ADGRD1: variants seen among roughly 807,000 people sequenced by gnomAD.
ADGRD1 encodes the protein adhesion G protein-coupled receptor D1.
Under a neutral mutation model 113.4 loss-of-function variants are expected in ADGRD1, and 77 were observed. The observed-to-expected ratio is 0.68, with a 90% CI of 0.57 to 0.82. The LOEUF is 0.82. Ranked by LOEUF, ADGRD1 falls within the 40% of genes least tolerant of loss-of-function variation. ADGRD1 has a pLI of 0.00. For synonymous variants in ADGRD1, 474 were observed against 475.0 expected, an observed-to-expected ratio of 1.00 and a Z score of 0.03; for missense variants, 1,036 against 1,139.1, an observed-to-expected ratio of 0.91 and a Z score of 1.30.
chr12:131,031,822 G>A (rs374609151), intron 13 of ADGRD1, among the ~76,000 whole-genome samples: 5 of 152,136 alleles, frequency 3.3e-5, no homozygotes, highest in East Asian at 1.9e-4. Flanking sequence ...CAAACATCCG[G>A]GTCACTTCTG....
intron 2 of ADGRD1, among the ~76,000 whole-genome samples, chr12:130,960,919 G>A (rs1274313768): frequency 6.6e-6 from 1 of 152,242 alleles, no homozygotes; most frequent in Non-Finnish European, 1.5e-5. Flanking sequence ...ATCAGGATGA[G>A]CTACACAAAA....
In ADGRD1 at chr12:130,966,965, T is replaced by C. The variant is rs773337275; in HGVS notation, c.187+419T>C. 11 of 451,028 alleles carry C rather than the reference T, an allele frequency of 2.4e-5. No individual in the cohort carries two copies. The highest frequency in any genetic ancestry group is 4.0e-5 in the Non-Finnish European group (9 of 222,318). 27.9% of individuals were successfully genotyped at this position (451,028 alleles called of 1,614,324 possible). Reference sequence around the variant, plus strand: ...TTTTATAGAGAGAGCTATTGCGTATTGAATGGGAGAATTTCTGATTCAAAA... The same window carrying C: ...TTTTATAGAGAGAGCTATTGCGTATCGAATGGGAGAATTTCTGATTCAAAA... On this transcript the variant is annotated intron_variant, in intron 3 of 24. Transcript: ENST00000261654. This position sits in a 1 kb window ranked among gnomAD's most constrained non-coding sequence, Gnocchi z 4.6.
chr12:131,093,394 T>C (rs1887043924), intron 15 of ADGRD1, among the ~76,000 whole-genome samples: 1 of 152,180 alleles, frequency 6.6e-6, no homozygotes, highest in South Asian at 2.1e-4. Context: ...CACGCCTTCC[T>C]GAGGCAGGAA....
At chr12:131,138,039 C>G (rs544321356) in intron 23 of ADGRD1, 98 bp from the exon 24 acceptor site, 2 of 935,336 alleles carry the variant, frequency 2.1e-6, no homozygotes, top group Admixed American at 1.7e-5. Flanking sequence ...CAACCTCCCT[C>G]GCACATCTGG....
chr12:131,103,094 C>T (rs1480816153), intron 15 of ADGRD1, among the ~76,000 whole-genome samples: 1 of 152,254 alleles, frequency 6.6e-6, no homozygotes, highest in Non-Finnish European at 1.5e-5. Flanking sequence ...CCACAACGTC[C>T]GTGGAGAGGG....
rs547579223 is a variant in ADGRD1 at position 131,011,324 on chromosome 12, G to A, written c.1332-2875G>A. Among the ~76,000 whole-genome samples the A allele has an allele frequency of 2.6e-5, 4 of 151,874 alleles. No homozygotes were observed. In the East Asian group the frequency reaches 5.8e-4, roughly 22 times the overall value. On this transcript the variant is annotated intron_variant, in intron 12 of 24. Transcript: ENST00000261654. ...CCAAACTGGGCCTGGTGGAGGCCACGTGTTCCCGGAGCGGAATCCAGGAAA... is the reference window on the plus strand; with the variant it reads ...CCAAACTGGGCCTGGTGGAGGCCACATGTTCCCGGAGCGGAATCCAGGAAA...
At chr12:130,973,850 G>A (rs562481304) in intron 4 of ADGRD1, among the ~76,000 whole-genome samples, 1 of 152,296 alleles carries the variant, frequency 6.6e-6, no homozygotes, top group South Asian at 2.1e-4. Flanking sequence ...TGTTTTGGGA[G>A]GCAGAGGCAG....
chr12:131,014,239 G>C lies in ADGRD1; in HGVS notation c.1372G>C (p.Ala458Pro). Residue 458 changes from alanine (A) to proline (P), a missense_variant, in exon 13 of 25, where the codon GCC becomes CCC. By Grantham distance (27) the Ala-to-Pro change is conservative (BLOSUM62 -1). Transcript: ENST00000261654. ...GCATCACCAGGACTGCCTGCTGTTC[G>C]CCACCAGCCACCTGATTTCCCTGGA... ...AMHHQDCLLF[A>P]TSHLISLEVS... The C allele has an allele frequency of 6.2e-7, 1 of 1,613,984 alleles. No individual in the cohort carries two copies. The highest frequency in any genetic ancestry group is 8.5e-7 in the Non-Finnish European group (1 of 1,179,940).
chr12:131,107,501 G>C (rs12830521), intron 17 of ADGRD1, among the ~76,000 whole-genome samples: 1 of 139,600 alleles, frequency 7.2e-6, no homozygotes, highest in Non-Finnish European at 1.6e-5. Context: ...ACCCGTGTCT[G>C]AATCCCAGGG....
chr12:131,035,484 G>A (rs531447504), intron 13 of ADGRD1: 129 of 152,392 alleles, frequency 8.5e-4, no homozygotes, highest in African/African-American at 2.8e-3. Context: ...CTGACTGCAA[G>A]TGCGACTTCA....
chr12:131,130,888 C>T (rs931851982), intron 20 of ADGRD1, among the ~76,000 whole-genome samples: 4 of 152,170 alleles, frequency 2.6e-5, no homozygotes, highest in Admixed American at 6.5e-5. Flanking sequence ...GTGAGGCCGG[C>T]GAGGTAGAGC....
chr12:131,026,418 G>C (rs1284614071), intron 13 of ADGRD1: 1 of 152,162 alleles, frequency 6.6e-6, no homozygotes, highest in African/African-American at 2.4e-5. Flanking sequence ...CGATCTCTCA[G>C]GGCATTGGAA....
chr12:131,128,591 A>G (rs996257778), intron 20 of ADGRD1, among the ~76,000 whole-genome samples: 2 of 152,230 alleles, frequency 1.3e-5, no homozygotes, highest in Non-Finnish European at 2.9e-5. Flanking sequence ...TTAAGAATCT[A>G]TGCATAAATG....
intron 15 of ADGRD1, among the ~76,000 whole-genome samples, chr12:131,090,571 T>G (rs1421800235): frequency 6.6e-6 from 1 of 151,938 alleles, no homozygotes; most frequent in Non-Finnish European, 1.5e-5. Context: ...GACAACAGAG[T>G]TCACCTGAGT....
chr12:131,031,679 C>T (rs1321122799), intron 13 of ADGRD1, among the ~76,000 whole-genome samples: 2 of 152,108 alleles, frequency 1.3e-5, no homozygotes, highest in African/African-American at 2.4e-5. Context: ...GTACTGGACC[C>T]CCAGGGCCAC....
intron 6 of ADGRD1, chr12:130,989,975 CGACT>C (rs1170216368): frequency 1.3e-5 from 2 of 152,182 alleles, no homozygotes; most frequent in Non-Finnish European, 2.9e-5. Flanking sequence ...GAACTGGGAC[CGACT>C]GAGGACCTGG....
intron 20 of ADGRD1, among the ~76,000 whole-genome samples, chr12:131,124,564 A>G (rs961659746): frequency 6.6e-6 from 1 of 152,214 alleles, no homozygotes; most frequent in Non-Finnish European, 1.5e-5. Flanking sequence ...GTAAAGGGTC[A>G]CTGTGGGGCC....
chr12:131,108,056 A>G (rs1950271830), intron 17 of ADGRD1, among the ~76,000 whole-genome samples: 2 of 151,916 alleles, frequency 1.3e-5, no homozygotes, highest in Non-Finnish European at 2.9e-5. Context: ...GCAGGGCCCA[A>G]CTCTCTCCGT....
chr12:131,136,895 C>A, intron 22 of ADGRD1, 78 bp from the exon 23 acceptor site: 2 of 1,179,124 alleles, frequency 1.7e-6, no homozygotes, highest in Non-Finnish European at 2.6e-6. Flanking sequence ...CACTCCCAGG[C>A]TGCATGGGAG....
Sources: gnomAD v4.1 joint callset for allele counts (sites outside exome capture counted in the v4.1 genomes callset) on GRCh38, gnomAD v4.1.1 for gene constraint, Gnocchi (gnomAD v3.1) non-coding constraint, MANE v1.5 for transcripts, NCBI Gene and HGNC (gene_info 2026-07-23, HGNC 2026-07-21) for gene names.